The following ITPR2 variants were observed in gnomAD, a reference collection of about 807,000 sequenced individuals.
The protein encoded by ITPR2 is inositol 1,4,5-trisphosphate receptor type 2, also known as inositol 1,4,5-trisphosphate-gated calcium channel ITPR2.
ITPR2 carries 207 observed loss-of-function variants against 317.1 expected under a neutral mutation model. The ratio of observed to expected loss-of-function variants is 0.65; its 90% CI spans 0.58 to 0.73. ITPR2 has a LOEUF of 0.73. Ranked by LOEUF, ITPR2 falls within the 30% of genes least tolerant of loss-of-function variation. ITPR2 has a pLI of 0.00. For synonymous variants in ITPR2, 1,156 were observed against 1,149.1 expected (o/e 1.01, Z -0.12); for missense variants, 2,613 against 3,284.0 (o/e 0.80, Z 4.99).
Position 26,811,866 on chromosome 12 carries a change from A to G in ITPR2, c.92+20824T>C, listed in dbSNP as rs553151691. 4.2e-4 allele frequency among the ~76,000 whole-genome samples: 62 copies of G among 148,748 alleles called. 1 individual carries two copies. The highest frequency in any genetic ancestry group is 1.5e-3 in the African/African-American group (59 of 40,472). On this transcript the variant is annotated intron_variant, in intron 1 of 56. Coordinates refer to ENST00000381340, the MANE Select transcript of ITPR2 (RefSeq NM_002223.4). Reference sequence around the variant, plus strand: ...AAGACTCCGTCTGAAAAAAAAAAAAAAAAAAAGAAATCTAGGGCCGGGCGT... The same window carrying G: ...AAGACTCCGTCTGAAAAAAAAAAAAGAAAAAAGAAATCTAGGGCCGGGCGT...
At chr12:26,389,050 C>T (rs961135759) in intron 54 of ITPR2, among the ~76,000 whole-genome samples, 5 of 152,176 alleles carry the variant, frequency 3.3e-5, no homozygotes, top group Admixed American at 1.3e-4. Flanking sequence ...AATCTGACCA[C>T]TTCTCACCCG....
chr12:26,721,509 T>C (rs569226909), intron 5 of ITPR2, among the ~76,000 whole-genome samples: 1 of 152,328 alleles, frequency 6.6e-6, no homozygotes, highest in Admixed American at 6.5e-5. Context: ...GAATTCATGT[T>C]AATTTTTTTA....
rs2137063355 is a variant in ITPR2 at position 26,575,206 on chromosome 12, G to A, written c.4630+3507C>T. 2.0e-5 allele frequency among the ~76,000 whole-genome samples: 3 copies of A among 147,748 alleles called. No individual in the cohort carries two copies. In the Middle Eastern group the frequency reaches 0.01, roughly 503 times the overall value. On this transcript the variant is annotated intron_variant, in intron 34 of 56. Coordinates refer to ENST00000381340, the MANE Select transcript of ITPR2 (RefSeq NM_002223.4). ...GGGGCATCCTAGATGTAACAGTGAG[G>A]AATCTAGCCTTAGGTTGTTAGGCAA...
intron 45 of ITPR2, among the ~76,000 whole-genome samples, chr12:26,451,365 TCACA>T (rs57642539): frequency 0.033 from 4,498 of 136,338 alleles, 116 homozygotes; most frequent in African/African-American, 0.07. Context: ...TTCTCTCATA[TCACA>T]CACACACACA....
chr12:26,486,430 A>AC, intron 40 of ITPR2, 70 bp from the exon 41 acceptor site: 1 of 1,229,048 alleles, frequency 8.1e-7, no homozygotes, highest in Non-Finnish European at 1.1e-6. Flanking sequence ...AAAAAAACAA[A>AC]CCAGGTACCC....
chr12:26,818,052 T>C lies in ITPR2; in HGVS notation c.92+14638A>G, dbSNP rs1158714855. On this transcript the variant is annotated intron_variant, in intron 1 of 56. Transcript: ENST00000381340. ...TGGAGAAATCACTAGTAGTCTATGATACAAAAACTGAAATTAGCATGCATT... is the reference window on the plus strand; with the variant it reads ...TGGAGAAATCACTAGTAGTCTATGACACAAAAACTGAAATTAGCATGCATT... Among the ~76,000 whole-genome samples, 5 of 152,256 alleles carry C rather than the reference T, an allele frequency of 3.3e-5. No individual in the cohort carries two copies. The East Asian group carries it at 9.6e-4, about 29-fold the overall frequency.
intron 24 of ITPR2, 91 bp from the exon 25 acceptor site, chr12:26,622,496 A>G: frequency 9.6e-7 from 1 of 1,037,564 alleles, no homozygotes; most frequent in African/African-American, 1.7e-5. Flanking sequence ...TCAGAGGTAT[A>G]TCATTTGTTT....
At chr12:26,766,490 A>G (rs1949721655) in intron 2 of ITPR2, among the ~76,000 whole-genome samples, 1 of 152,126 alleles carries the variant, frequency 6.6e-6, no homozygotes, top group Admixed American at 6.6e-5. Context: ...ATCGATTTAT[A>G]AGAGTTCCTT....
intron 9 of ITPR2, among the ~76,000 whole-genome samples, chr12:26,699,012 TA>T (rs202185144): frequency 2.3e-4 from 35 of 151,380 alleles, no homozygotes; most frequent in Non-Finnish European, 4.4e-4. Context: ...TCTTTTAAAT[TA>T]AAAAAAATCC....
chr12:26,552,487 G>T (rs1409085734), intron 36 of ITPR2, among the ~76,000 whole-genome samples: 1 of 152,176 alleles, frequency 6.6e-6, no homozygotes, highest in Non-Finnish European at 1.5e-5. Flanking sequence ...CAGCTCAATG[G>T]TGACAGTTTA....
chr12:26,416,737 A>T (rs1940732671), intron 50 of ITPR2, among the ~76,000 whole-genome samples: 1 of 152,228 alleles, frequency 6.6e-6, no homozygotes, highest in Non-Finnish European at 1.5e-5. Flanking sequence ...TTCAGTACAG[A>T]CAAATTAACT....
rs150421847 is a variant in ITPR2, at chr12:26,356,478, T to C, written c.7858-16150A>G. On this transcript the variant is annotated intron_variant, in intron 55 of 56. Coordinates refer to ENST00000381340, the MANE Select transcript of ITPR2 (RefSeq NM_002223.4). ...CCAGAGGATCCTGGCTCTTTTCAAA[T>C]AATGGCTCTGTCTGATCATAATTAT... Among the ~76,000 whole-genome samples the C allele has an allele frequency of 4.6e-5, 7 of 152,296 alleles. No homozygotes were observed. The East Asian group carries it at 1.3e-3, about 29-fold the overall frequency.
chr12:26,450,957 G>A (rs948685840), intron 45 of ITPR2, among the ~76,000 whole-genome samples: 6 of 152,096 alleles, frequency 3.9e-5, no homozygotes, highest in Non-Finnish European at 7.4e-5. Flanking sequence ...AGTTAGAAAA[G>A]CTAACAAATC....
At chr12:26,772,684 T>C (rs1224453421) in intron 2 of ITPR2, among the ~76,000 whole-genome samples, 1 of 150,866 alleles carries the variant, frequency 6.6e-6, no homozygotes, top group African/African-American at 2.4e-5. Context: ...TGGTACCGTA[T>C]GTGCACATGG....
chr12:26,463,707 A>C (rs951773198), intron 45 of ITPR2, among the ~76,000 whole-genome samples: 2 of 152,030 alleles, frequency 1.3e-5, no homozygotes, highest in African/African-American at 4.8e-5. Flanking sequence ...ACAAAAAAAA[A>C]ACAAATTAAG....
intron 48 of ITPR2, among the ~76,000 whole-genome samples, chr12:26,433,547 ATGG>A (rs977385541): frequency 8.6e-5 from 8 of 92,582 alleles, no homozygotes; most frequent in Admixed American, 6.4e-4. Flanking sequence ...TGAGTTCTTC[ATGG>A]TGATTTCAAT....
chr12:26,550,428 T>C (rs924793699), intron 36 of ITPR2, 73 bp from the exon 37 acceptor site: 2 of 686,920 alleles, frequency 2.9e-6, no homozygotes, highest in Non-Finnish European at 5.0e-6. Context: ...TCAAAGGCCA[T>C]AGGGGAAAAA....
Position 26,648,040 on chromosome 12 carries a change from G to A in ITPR2, c.2740+5936C>T, listed in dbSNP as rs931014573. ...GACCCCCAACCAGATCTAGGATGAGGACAACTTACAATGACACTGAGGTGG... is the reference window on the plus strand; with the variant it reads ...GACCCCCAACCAGATCTAGGATGAGAACAACTTACAATGACACTGAGGTGG... On this transcript the variant is annotated intron_variant, in intron 21 of 56. Coordinates refer to ENST00000381340, the MANE Select transcript of ITPR2 (RefSeq NM_002223.4). 2.6e-5 allele frequency among the ~76,000 whole-genome samples: 4 copies of A among 152,132 alleles called. No individual in the cohort carries two copies. In the East Asian group the frequency reaches 7.7e-4, roughly 29 times the overall value.
chr12:26,481,738 A>G (rs1305327592), intron 42 of ITPR2, among the ~76,000 whole-genome samples: 1 of 152,192 alleles, frequency 6.6e-6, no homozygotes, highest in African/African-American at 2.4e-5. Context: ...ATGACAAGAG[A>G]TGCTGCTGTC....
Sources: gnomAD v4.1 joint callset for allele counts (sites outside exome capture counted in the v4.1 genomes callset) on GRCh38, gnomAD v4.1.1 for gene constraint, MANE v1.5 for transcripts, NCBI Gene and HGNC (gene_info 2026-07-23, HGNC 2026-07-21) for gene names.